TMTC1: variants seen among roughly 807,000 people sequenced by gnomAD.
TMTC1 encodes the protein transmembrane O-mannosyltransferase targeting cadherins 1.
Under a neutral mutation model 104.8 loss-of-function variants are expected in TMTC1, and 73 were observed. The observed-to-expected ratio is 0.70, with a 90% confidence interval of 0.58 to 0.85. The LOEUF (loss-of-function observed/expected upper bound fraction) is 0.85, where lower values mean the gene tolerates loss of function less well. TMTC1 is among the 40% of genes least tolerant of loss of function. The pLI, the probability that TMTC1 is intolerant of heterozygous loss-of-function variation, is 0.00. For missense variants in TMTC1, 1,035 were observed against 1,096.1 expected (o/e 0.94, Z 0.79); for synonymous variants, 434 against 428.7 (o/e 1.01, Z -0.15).
At chr12:29,585,773 G>GC (rs1179874015) in intron 7 of TMTC1, among the ~76,000 whole-genome samples, 2 of 152,098 alleles carry the variant, frequency 1.3e-5, no homozygotes, top group Non-Finnish European at 1.5e-5. Flanking sequence ...ATTTCTGAAG[G>GC]CTCCATTCTG....
At chr12:29,739,722 T>C (rs554985324) in intron 5 of TMTC1, among the ~76,000 whole-genome samples, 42 of 152,270 alleles carry the variant, frequency 2.8e-4, no homozygotes, top group African/African-American at 1.0e-3. Context: ...TTTGTTTTTT[T>C]TTCCGAGATG....
At chr12:29,636,550 T>A (rs1179517957) in intron 5 of TMTC1, among the ~76,000 whole-genome samples, 2 of 152,186 alleles carry the variant, frequency 1.3e-5, no homozygotes, top group Non-Finnish European at 1.5e-5. Flanking sequence ...GCTTTCACGG[T>A]GGCTCATGCC....
chr12:29,574,968 C>T (rs11050293), intron 8 of TMTC1, among the ~76,000 whole-genome samples: 28,606 of 152,054 alleles, frequency 0.19, 3,142 homozygotes, highest in East Asian at 0.38. Context: ...TACTTTCTGC[C>T]TGATGCTTGT....
At chr12:29,617,872 T>C (rs1173339799) in intron 6 of TMTC1, among the ~76,000 whole-genome samples, 2 of 152,152 alleles carry the variant, frequency 1.3e-5, no homozygotes, top group African/African-American at 4.8e-5. Context: ...GTGATGACTA[T>C]TGTTGTCAGA....
chr12:29,557,028 A>T, intron 9 of TMTC1, 28 bp from the exon 10 acceptor site: 2 of 1,610,936 alleles, frequency 1.2e-6, no homozygotes, highest in Non-Finnish European at 1.7e-6. Context: ...TTAAGCTGTG[A>T]TGGTTCAAAA....
chr12:29,683,577 A>G (rs1012226329), intron 5 of TMTC1, among the ~76,000 whole-genome samples: 1 of 152,342 alleles, frequency 6.6e-6, no homozygotes, highest in Non-Finnish European at 1.5e-5. Flanking sequence ...GTGTAACATA[A>G]ATAAACACTA....
chr12:29,711,744 G>A (rs970358498), intron 5 of TMTC1, among the ~76,000 whole-genome samples: 1 of 152,170 alleles, frequency 6.6e-6, no homozygotes, highest in African/African-American at 2.4e-5. Context: ...GGTGGCTCAT[G>A]CCTGTAATCC....
chr12:29,640,431 G>C (rs1018480395), intron 5 of TMTC1: 1 of 152,148 alleles, frequency 6.6e-6, no homozygotes, highest in Admixed American at 6.5e-5. Flanking sequence ...TAAGGACCCA[G>C]GAGACCCCCC....
intron 5 of TMTC1, among the ~76,000 whole-genome samples, chr12:29,662,170 C>T (rs1319665231): frequency 5.4e-4 from 82 of 152,276 alleles, no homozygotes; most frequent in Non-Finnish European, 1.3e-4. Flanking sequence ...TTCCTCTATC[C>T]CTTTTCATTG....
chr12:29,765,982 G>T (rs1592029464), intron 2 of TMTC1, among the ~76,000 whole-genome samples: 1 of 152,110 alleles, frequency 6.6e-6, no homozygotes. Flanking sequence ...TGAAAGCAAA[G>T]AATTTAAACA....
chr12:29,539,258 C>T (rs1282806684), intron 10 of TMTC1, among the ~76,000 whole-genome samples: 1 of 152,120 alleles, frequency 6.6e-6, no homozygotes, highest in Non-Finnish European at 1.5e-5. Flanking sequence ...TTAGTAGCAT[C>T]CCTTTTTCAT....
intron 5 of TMTC1, chr12:29,661,282 GA>G: frequency 1.3e-6 from 1 of 787,898 alleles, no homozygotes; most frequent in Non-Finnish European, 1.5e-6. Context: ...TGGTCACAGG[GA>G]TAATCTTAAA....
chr12:29,592,039 T>C (rs1746228068), intron 7 of TMTC1, among the ~76,000 whole-genome samples: 1 of 152,216 alleles, frequency 6.6e-6, no homozygotes, highest in Non-Finnish European at 1.5e-5. Context: ...CACTTTCTGT[T>C]GAATTATATG....
At chr12:29,742,421 GGTGACGT>G (rs2136947490) in intron 5 of TMTC1, among the ~76,000 whole-genome samples, 1 of 152,050 alleles carries the variant, frequency 6.6e-6, no homozygotes, top group Admixed American at 6.6e-5. Context: ...TGTAGCTTAG[GGTGACGT>G]CAAAGTCAAT....
chr12:29,545,060 G>C (rs1944902863), intron 10 of TMTC1, among the ~76,000 whole-genome samples: 1 of 152,116 alleles, frequency 6.6e-6, no homozygotes, highest in African/African-American at 2.4e-5. Context: ...CATAGTAGGA[G>C]GCAATAAATG....
At chr12:29,705,338 T>TA (rs1318610020) in intron 5 of TMTC1, among the ~76,000 whole-genome samples, 1 of 152,242 alleles carries the variant, frequency 6.6e-6, no homozygotes, top group Admixed American at 6.5e-5. Flanking sequence ...GCATAAGGAT[T>TA]ATTTTGAGCT....
At chr12:29,767,606 T>C (rs889377878) in intron 2 of TMTC1, among the ~76,000 whole-genome samples, 1 of 152,200 alleles carries the variant, frequency 6.6e-6, no homozygotes, top group African/African-American at 2.4e-5. Flanking sequence ...AGCAGTTATT[T>C]AGAAAAGCAG....
chr12:29,555,557 G>A (rs1213316412), intron 10 of TMTC1, among the ~76,000 whole-genome samples: 3 of 151,798 alleles, frequency 2.0e-5, no homozygotes, highest in Non-Finnish European at 4.4e-5. Flanking sequence ...TCCCAATTAT[G>A]AGTGAGAACG....
At chr12:29,777,950 G>A (rs10843506) in intron 1 of TMTC1, among the ~76,000 whole-genome samples, 91,981 of 152,046 alleles carry the variant, frequency 0.6, 28,336 homozygotes, top group South Asian at 0.72. Context: ...TTTCTTTAAG[G>A]TTGTGGGCAT....
Sources: gnomAD v4.1 joint callset for allele counts (sites outside exome capture counted in the v4.1 genomes callset) on GRCh38, gnomAD v4.1.1 for gene constraint, MANE v1.5 for transcripts, NCBI Gene and HGNC (gene_info 2026-07-23, HGNC 2026-07-21) for gene names.